Variants in ZNF385B observed in about 807,000 individuals in gnomAD.
The protein encoded by ZNF385B is zinc finger protein 533.
Under a neutral mutation model 39.2 loss-of-function variants are expected in ZNF385B, and 23 were observed. The ratio of observed to expected loss-of-function variants is 0.59; its 90% CI spans 0.42 to 0.83. The LOEUF is 0.83. Among genes scored for constraint, ZNF385B ranks in the 40% least tolerant of loss-of-function variants. ZNF385B has a pLI of 0.00. For synonymous variants in ZNF385B, 205 were observed against 222.6 expected, an observed-to-expected ratio of 0.92 and a Z score of 0.70; for missense variants, 552 against 598.9, an observed-to-expected ratio of 0.92 and a Z score of 0.82.
intron 3 of ZNF385B, among the ~76,000 whole-genome samples, chr2:179,617,578 AAC>A (rs1477533764): frequency 6.6e-6 from 1 of 152,138 alleles, no homozygotes; most frequent in African/African-American, 2.4e-5. Context: ...GGCTTATTAA[AAC>A]ACAGACTGGT....
intron 6 of ZNF385B, among the ~76,000 whole-genome samples, chr2:179,479,296 C>G (rs2053740853): frequency 6.6e-6 from 1 of 151,950 alleles, no homozygotes; most frequent in Non-Finnish European, 1.5e-5. Flanking sequence ...TGTTTACTGA[C>G]CTGAAAGAAA....
At position 179,548,267 on chromosome 2, in the gene ZNF385B, T is replaced by C. The variant is rs1169815849; in HGVS notation, c.299-3298A>G. ...ACTTCTGCTATCACCTCTTTAGATA[T>C]CTGGTTTAATGCATGAGTAGAAGAT... is the stretch of plus-strand genomic sequence containing the variant. On this transcript the variant is annotated intron_variant, in intron 3 of 9. Coordinates refer to ENST00000410066, the MANE Select transcript of ZNF385B (RefSeq NM_152520.6). 1.3e-5 allele frequency among the ~76,000 whole-genome samples: 2 copies of C among 149,652 alleles called. 1 individual carries two copies. The highest frequency in any genetic ancestry group is 3.0e-5 in the Non-Finnish European group (2 of 67,692).
At chr2:179,682,274 T>G (rs1400568514) in intron 3 of ZNF385B, among the ~76,000 whole-genome samples, 3 of 152,232 alleles carry the variant, frequency 2.0e-5, no homozygotes, top group African/African-American at 7.2e-5. Context: ...TTTTTGAATT[T>G]ATGCTCTGCT....
At chr2:179,722,121 T>C (rs2106407691) in intron 3 of ZNF385B, among the ~76,000 whole-genome samples, 1 of 152,248 alleles carries the variant, frequency 6.6e-6, no homozygotes, top group South Asian at 2.1e-4. Context: ...CAGCAGAGCA[T>C]GTAAAATACC....
chr2:179,771,708 C>A (rs1183100999), intron 1 of ZNF385B, among the ~76,000 whole-genome samples: 2 of 152,166 alleles, frequency 1.3e-5, no homozygotes, highest in African/African-American at 4.8e-5. Flanking sequence ...AAGAAAATAT[C>A]AGTGCCATAT....
At chr2:179,572,342 C>G (rs1480721360) in intron 3 of ZNF385B, among the ~76,000 whole-genome samples, 1 of 152,132 alleles carries the variant, frequency 6.6e-6, no homozygotes, top group Non-Finnish European at 1.5e-5. Context: ...ATGGAGCTAA[C>G]TGCCTCGTGA....
At chr2:179,646,023 C>G (rs2106233954) in intron 3 of ZNF385B, among the ~76,000 whole-genome samples, 1 of 152,340 alleles carries the variant, frequency 6.6e-6, no homozygotes, top group Non-Finnish European at 1.5e-5. Flanking sequence ...AAGCCAGCTT[C>G]TTCCCCCAAA....
intron 3 of ZNF385B, chr2:179,562,572 G>C: frequency 2.0e-6 from 2 of 985,344 alleles, no homozygotes; most frequent in Non-Finnish European, 1.2e-6. Context: ...TGTAATTGCC[G>C]CTTAGCTCTA....
intron 3 of ZNF385B, among the ~76,000 whole-genome samples, chr2:179,663,153 G>A (rs927894890): frequency 7.9e-5 from 12 of 152,152 alleles, no homozygotes; most frequent in African/African-American, 2.7e-4. Context: ...GATGGTACTT[G>A]AAACCATAAA....
intron 3 of ZNF385B, among the ~76,000 whole-genome samples, chr2:179,623,689 A>G (rs1031600052): frequency 2.6e-5 from 4 of 152,118 alleles, no homozygotes; most frequent in Non-Finnish European, 5.9e-5. Flanking sequence ...GTTTCATGGC[A>G]TGAATCCAGG....
chr2:179,707,682 A>AG (rs1429047024), intron 3 of ZNF385B, among the ~76,000 whole-genome samples: 1 of 152,170 alleles, frequency 6.6e-6, no homozygotes, highest in Non-Finnish European at 1.5e-5. Flanking sequence ...CCCCCAACTT[A>AG]GGGGAAATGG....
At chr2:179,622,410 A>G (rs1311479297) in intron 3 of ZNF385B, among the ~76,000 whole-genome samples, 1 of 152,114 alleles carries the variant, frequency 6.6e-6, no homozygotes, top group Non-Finnish European at 1.5e-5. Flanking sequence ...TGCAGCACAT[A>G]CTCTGTCTGT....
chr2:179,711,881 A>AT (rs747336802), intron 3 of ZNF385B, among the ~76,000 whole-genome samples: 13,211 of 90,894 alleles, frequency 0.15, 2,115 homozygotes, highest in East Asian at 0.44. Context: ...TATAAACTGC[A>AT]TTTTTTTTTT....
At chr2:179,633,514 A>G (rs1441901276) in intron 3 of ZNF385B, among the ~76,000 whole-genome samples, 2 of 152,228 alleles carry the variant, frequency 1.3e-5, no homozygotes, top group African/African-American at 4.8e-5. Flanking sequence ...CCTTCATGCT[A>G]AAAACTCTCA....
intron 3 of ZNF385B, among the ~76,000 whole-genome samples, chr2:179,555,620 A>G (rs897253259): frequency 6.7e-6 from 1 of 149,574 alleles, no homozygotes; most frequent in Non-Finnish European, 1.5e-5. Flanking sequence ...TAGGATGACA[A>G]TGATGCTTTT....
intron 3 of ZNF385B, among the ~76,000 whole-genome samples, chr2:179,744,738 T>G (rs1702280335): frequency 6.6e-6 from 1 of 152,158 alleles, no homozygotes; most frequent in African/African-American, 2.4e-5. Context: ...CCATGCTAGC[T>G]GCTTCCAATC....
intron 3 of ZNF385B, among the ~76,000 whole-genome samples, chr2:179,583,497 T>C (rs1166302769): frequency 6.6e-6 from 1 of 152,218 alleles, no homozygotes; most frequent in African/African-American, 2.4e-5. Context: ...TCTATGCTTA[T>C]TAGTTGAGAA....
At chr2:179,639,076 T>C (rs1182043559) in intron 3 of ZNF385B, among the ~76,000 whole-genome samples, 10 of 151,644 alleles carry the variant, frequency 6.6e-5, no homozygotes, top group Non-Finnish European at 1.3e-4. Flanking sequence ...AAAAAATTGT[T>C]CCAAGAGTGG....
intron 4 of ZNF385B, among the ~76,000 whole-genome samples, chr2:179,534,473 C>T (rs1219675271): frequency 6.6e-6 from 1 of 151,946 alleles, no homozygotes; most frequent in Non-Finnish European, 1.5e-5. Flanking sequence ...TTTTCACAGC[C>T]TCTCATTAAA....
Sources: allele counts gnomAD v4.1 joint callset (sites outside exome capture counted in the v4.1 genomes callset), GRCh38; gene constraint gnomAD v4.1.1; transcripts MANE v1.5; gene names NCBI Gene and HGNC (gene_info 2026-07-23, HGNC 2026-07-21).